DENND10: variants seen among roughly 807,000 people sequenced by gnomAD.
The protein encoded by DENND10 is DENN domain containing 10.
DENND10 carries 24 observed loss-of-function variants against 43.6 expected under a neutral mutation model. The ratio of observed to expected loss-of-function variants is 0.55; its 90% CI spans 0.40 to 0.77. The LOEUF (loss-of-function observed/expected upper bound fraction) is 0.77, where lower values mean the gene tolerates loss of function less well. DENND10 is among the 30% of genes least tolerant of loss of function. DENND10 has a pLI of 0.00. For missense variants in DENND10, 303 were observed against 429.9 expected, an observed-to-expected ratio of 0.70 and a Z score of 2.61; for synonymous variants, 125 against 157.6, an observed-to-expected ratio of 0.79 and a Z score of 1.55.
chr10:119,128,427 G>A (rs1435195673), intron 6 of DENND10, among the ~76,000 whole-genome samples: 2 of 151,890 alleles, frequency 1.3e-5, no homozygotes, highest in African/African-American at 4.8e-5. Flanking sequence ...AGCCAATATG[G>A]TGAAACCCCG....
chr10:119,123,799 T>G (rs954055225), intron 6 of DENND10, among the ~76,000 whole-genome samples: 7 of 152,018 alleles, frequency 4.6e-5, no homozygotes, highest in African/African-American at 1.7e-4. Flanking sequence ...TTTTTGTTTT[T>G]ATTTTGTGCA....
chr10:119,132,882 G>A lies in DENND10; in HGVS notation c.897+273G>A, dbSNP rs975493523. On this transcript the variant is annotated intron_variant, in intron 8 of 8. Coordinates refer to ENST00000361432, the MANE Select transcript of DENND10 (RefSeq NM_207009.4). This position sits in a 1 kb window ranked among gnomAD's most constrained non-coding sequence, Gnocchi z 4.2. ...GAGAAATGTAACTACCAAGTGGTCT[G>A]GAAGGCTTTTCTGGGCCAGCCAGTG... The A allele has an allele frequency of 7.2e-6, 3 of 415,452 alleles. No homozygotes were observed. Among genetic ancestry groups the A allele is most frequent in the Non-Finnish European group, 1.3e-5 (3 of 230,774 alleles). 25.7% of individuals were successfully genotyped at this position (415,452 alleles called of 1,614,324 possible).
At chr10:119,106,669 T>C (rs1243654754) in intron 1 of DENND10, among the ~76,000 whole-genome samples, 1 of 152,220 alleles carries the variant, frequency 6.6e-6, no homozygotes, top group African/African-American at 2.4e-5. Flanking sequence ...TTCACACAGT[T>C]GGTATGCAAC....
chr10:119,129,413 G>T, intron 6 of DENND10, 102 bp from the exon 7 acceptor site: 1 of 714,868 alleles, frequency 1.4e-6, no homozygotes, highest in Non-Finnish European at 2.5e-6. Flanking sequence ...AATGAATAAA[G>T]CAGTGAAAGA....
At chr10:119,133,734 AG>A (rs1195980185) in intron 8 of DENND10, 1 of 152,284 alleles carries the variant, frequency 6.6e-6, no homozygotes, top group African/African-American at 2.4e-5. Flanking sequence ...GAGCAGGAAG[AG>A]TGGGCTGATC....
At chr10:119,130,762 C>G (rs1846048950) in intron 7 of DENND10, among the ~76,000 whole-genome samples, 1 of 152,192 alleles carries the variant, frequency 6.6e-6, no homozygotes, top group South Asian at 2.1e-4. Flanking sequence ...GGCAGGAGGC[C>G]TCAGTTCCTT....
At chr10:119,117,060 T>A (rs182548907) in intron 3 of DENND10, among the ~76,000 whole-genome samples, 2 of 152,198 alleles carry the variant, frequency 1.3e-5, no homozygotes, top group Admixed American at 1.3e-4. Flanking sequence ...ATGAAAAGAT[T>A]CAAGCATTCA....
chr10:119,130,813 C>G (rs1242986443), intron 7 of DENND10, among the ~76,000 whole-genome samples: 2 of 152,166 alleles, frequency 1.3e-5, no homozygotes, highest in Admixed American at 1.3e-4. Context: ...AGTGTTCTTA[C>G]AATATGACAG....
At chr10:119,106,870 C>T (rs148681249) in intron 1 of DENND10, among the ~76,000 whole-genome samples, 164 of 151,594 alleles carry the variant, frequency 1.1e-3, no homozygotes, top group African/African-American at 3.9e-3. Flanking sequence ...TGTGGAGAAA[C>T]CAAAACCCCA....
rs901585034 is a variant in DENND10, at chr10:119,117,689, C to T, written c.481+22C>T. Reference sequence around the variant, plus strand: ...AAAGGTAAGAAGGGAAAAAACAGGCCAGGGACGGTGGCTCACGCCTGTAAT... The same window carrying T: ...AAAGGTAAGAAGGGAAAAAACAGGCTAGGGACGGTGGCTCACGCCTGTAAT... On this transcript the variant is annotated intron_variant, in intron 4 of 8. Coordinates refer to ENST00000361432, the MANE Select transcript of DENND10 (RefSeq NM_207009.4). 6.8e-6 allele frequency: 11 copies of T among 1,611,584 alleles called. No homozygotes were observed. The Admixed American group carries it at 1.7e-4, about 24-fold the overall frequency.
chr10:119,118,904 C>T (rs1845424872), intron 4 of DENND10, among the ~76,000 whole-genome samples: 1 of 147,444 alleles, frequency 6.8e-6, no homozygotes, highest in South Asian at 2.1e-4. Context: ...AGTGCAGTGG[C>T]ACAATCTCAG....
chr10:119,112,787 T>C (rs1310936658), intron 3 of DENND10, among the ~76,000 whole-genome samples: 1 of 147,362 alleles, frequency 6.8e-6, no homozygotes, highest in Admixed American at 6.8e-5. Flanking sequence ...GATGAAACTC[T>C]TTTTTTATGT....
rs1332046711 is a variant in DENND10, at chr10:119,136,629, A to C, written c.1056A>C (p.Glu352Asp). 5.9e-6 allele frequency: 9 copies of C among 1,513,594 alleles called. No homozygotes were observed. Among genetic ancestry groups the C allele is most frequent in the Admixed American group, 4.3e-5 (2 of 46,558 alleles). The allele number at this position is 1,513,594 out of a possible 1,614,324, so 93.8% of individuals were successfully genotyped here. A position where few individuals can be genotyped will look rare whatever the true frequency, so the allele number is the denominator to read the frequency against. ...TCCTTTATCATCTAGCAGCAGCCGA[A>C]CAAATGCTGAAAATCTGACTGTGTG... is the stretch of plus-strand genomic sequence containing the variant. Reference protein sequence around the residue: ...ENFLYHLAAAEQMLKI With the variant: ...ENFLYHLAAADQMLKI The change falls in exon 9 of 9, where the codon GAA (glutamate) becomes GAC (aspartate). Residue 352 changes from glutamate (E) to aspartate (D), a missense_variant. By Grantham distance (45) the Glu-to-Asp change is conservative. Transcript: ENST00000361432.
intron 6 of DENND10, among the ~76,000 whole-genome samples, chr10:119,128,352 G>GT (rs1249645221): frequency 6.6e-6 from 1 of 152,098 alleles, no homozygotes; most frequent in Non-Finnish European, 1.5e-5. Context: ...GCTCACGCCT[G>GT]TAATCCCAGC....
At chr10:119,113,130 C>T (rs189823506) in intron 3 of DENND10, among the ~76,000 whole-genome samples, 316 of 150,490 alleles carry the variant, frequency 2.1e-3, no homozygotes, top group South Asian at 4.8e-3. Flanking sequence ...GGATTATAGG[C>T]GTGAGCCACC....
chr10:119,110,269 T>G (rs1305488713), intron 2 of DENND10, among the ~76,000 whole-genome samples: 1 of 151,766 alleles, frequency 6.6e-6, no homozygotes, highest in African/African-American at 2.4e-5. Flanking sequence ...CCTCCCAGGA[T>G]CAAGCGATTC....
intron 4 of DENND10, 93 bp from the exon 5 acceptor site, chr10:119,120,247 CA>C (rs1275384525): frequency 0.01 from 6,460 of 624,378 alleles, no homozygotes; most frequent in East Asian, 0.011. Flanking sequence ...GACTCGGTCT[CA>C]AAAAAAAAAG....
intron 8 of DENND10, chr10:119,133,002 T>G: frequency 1.0e-5 from 2 of 199,708 alleles, no homozygotes. Context: ...AAATTTTGCT[T>G]TGCTTGTCTC....
chr10:119,125,390 G>A (rs558724537), intron 6 of DENND10, among the ~76,000 whole-genome samples: 1 of 150,806 alleles, frequency 6.6e-6, no homozygotes, highest in African/African-American at 2.4e-5. Context: ...ATGATGTTTT[G>A]ATACAGGCCT....
Sources: gnomAD v4.1 joint callset for allele counts (sites outside exome capture counted in the v4.1 genomes callset) on GRCh38, gnomAD v4.1.1 for gene constraint, Gnocchi (gnomAD v3.1) non-coding constraint, MANE v1.5 for transcripts, NCBI Gene and HGNC (gene_info 2026-07-23, HGNC 2026-07-21) for gene names.